NFIB: variants seen among roughly 807,000 people sequenced by gnomAD.
NFIB encodes nuclear factor 1 B-type.
A neutral mutation model predicts 61.5 loss-of-function variants in NFIB; 11 were observed. The ratio of observed to expected loss-of-function variants is 0.18; its 90% confidence interval spans 0.11 to 0.30. The LOEUF (loss-of-function observed/expected upper bound fraction) is 0.30, where lower values mean the gene tolerates loss of function less well. Among genes scored for constraint, NFIB ranks in the 10% least tolerant of loss-of-function variants. The pLI is 1.00. For missense variants in NFIB, 471 were observed against 608.9 expected (o/e 0.77, Z 2.38); for synonymous variants, 260 against 216.5 (o/e 1.20, Z -1.76).
Position 14,352,668 on chromosome 9 carries a change from C to A in NFIB, c.109-45148G>T, listed in dbSNP as rs1031756156. On this transcript the variant is annotated intron_variant, in intron 1 of 8. Transcript: ENST00000380934. ...GTTTCTACGCTGTACTAGGTCTGGT[C>A]CTGAGGCAAGCCTCTAAGCTTTAGA... Among the ~76,000 whole-genome samples, 4 of 152,208 alleles carry A rather than the reference C, an allele frequency of 2.6e-5. 1 individual carries two copies. Among genetic ancestry groups the A allele is most frequent in the Non-Finnish European group, 5.9e-5 (4 of 68,032 alleles).
the NFIB span, among the ~76,000 whole-genome samples, chr9:14,441,908 G>A: frequency 6.6e-6 from 1 of 152,118 alleles, no homozygotes; most frequent in African/African-American, 2.4e-5. Flanking sequence ...TTATTACAAG[G>A]GCTTCTCTGC....
chr9:14,526,565 G>A, the NFIB span, among the ~76,000 whole-genome samples: 4 of 151,992 alleles, frequency 2.6e-5, no homozygotes, highest in Non-Finnish European at 4.4e-5. Context: ...ACGCAACAGG[G>A]GAATGTAATT....
chr9:14,183,469 T>C (rs1466653744), intron 2 of NFIB, among the ~76,000 whole-genome samples: 5 of 151,844 alleles, frequency 3.3e-5, no homozygotes, highest in African/African-American at 1.2e-4. Flanking sequence ...AGTAGCACTA[T>C]CACAGCTCAC....
chr9:14,430,552 G>A, the NFIB span, among the ~76,000 whole-genome samples: 1 of 151,228 alleles, frequency 6.6e-6, no homozygotes, highest in Non-Finnish European at 1.5e-5. Context: ...GTTTGAGAAT[G>A]GCTTGCCTTT....
At chr9:14,371,970 A>G (rs2061362962) in intron 1 of NFIB, among the ~76,000 whole-genome samples, 1 of 152,220 alleles carries the variant, frequency 6.6e-6, no homozygotes, top group South Asian at 2.1e-4. Context: ...CCAATTGGTC[A>G]TGGGGAGGTC....
chr9:14,322,125 T>C, intron 1 of NFIB: 3 of 1,225,902 alleles, frequency 2.4e-6, no homozygotes, highest in Non-Finnish European at 3.0e-6. Context: ...TAGTCTTATG[T>C]ATTTTTTAAT....
the NFIB span, among the ~76,000 whole-genome samples, chr9:14,464,923 A>T: frequency 2.0e-5 from 3 of 152,234 alleles, no homozygotes; most frequent in African/African-American, 7.2e-5. Flanking sequence ...AATGTGACAC[A>T]GTACCTGTCA....
At chr9:14,189,537 G>C (rs1030537734) in intron 2 of NFIB, among the ~76,000 whole-genome samples, 5 of 151,692 alleles carry the variant, frequency 3.3e-5, no homozygotes, top group African/African-American at 1.2e-4. Context: ...TGTGGAAAAA[G>C]GCTATGAGAT....
At chr9:14,102,604 C>G in intron 10 of NFIB, 1 of 753,532 alleles carries the variant, frequency 1.3e-6, no homozygotes, top group Non-Finnish European at 1.9e-6. Flanking sequence ...CTGTACATGG[C>G]ATTAACCTTA....
intron 6 of NFIB, among the ~76,000 whole-genome samples, chr9:14,126,748 T>C (rs1048979462): frequency 5.9e-5 from 9 of 152,180 alleles, no homozygotes; most frequent in African/African-American, 1.9e-4. Flanking sequence ...ATGATCACAA[T>C]GACAGTTTAA....
intron 2 of NFIB, among the ~76,000 whole-genome samples, chr9:14,193,118 AT>A (rs2048129325): frequency 6.6e-6 from 1 of 151,378 alleles, no homozygotes; most frequent in African/African-American, 2.4e-5. Context: ...ATACATAAAA[AT>A]AATCAAGTTT....
chr9:14,202,253 C>T (rs1250135591), intron 2 of NFIB, among the ~76,000 whole-genome samples: 1 of 151,844 alleles, frequency 6.6e-6, no homozygotes, highest in Non-Finnish European at 1.5e-5. Flanking sequence ...ACTGCAAAAG[C>T]ATTGTTTAGC....
intron 2 of NFIB, among the ~76,000 whole-genome samples, chr9:14,241,520 A>AG (rs1041210883): frequency 3.9e-4 from 60 of 152,186 alleles, no homozygotes; most frequent in African/African-American, 1.4e-3. Context: ...TTCAAAAAAA[A>AG]ACAGATATTG....
chr9:14,234,259 T>A (rs1473134129), intron 2 of NFIB, among the ~76,000 whole-genome samples: 1 of 152,052 alleles, frequency 6.6e-6, no homozygotes, highest in African/African-American at 2.4e-5. Flanking sequence ...GTACATGCAA[T>A]AAAAGTACTA....
intron 1 of NFIB, among the ~76,000 whole-genome samples, chr9:14,370,533 T>C (rs2061347093): frequency 6.6e-6 from 1 of 152,216 alleles, no homozygotes; most frequent in African/African-American, 2.4e-5. Flanking sequence ...TGTAAATATG[T>C]GTTAAATTTG....
rs78949316 is a variant in NFIB at position 14,247,742 on chromosome 9, T to C, written c.562+59247A>G. On this transcript the variant is annotated intron_variant, in intron 2 of 10. Transcript: ENST00000380953. ...AATACAGAAGTACATGGCCCACTGC[T>C]TGGCATACAGTCAAGACTCAGTAAT... 2.4e-3 allele frequency among the ~76,000 whole-genome samples: 373 copies of C among 152,320 alleles called. 2 individuals carry two copies. The highest frequency in any genetic ancestry group is 3.9e-3 in the Non-Finnish European group (263 of 68,030).
chr9:14,279,148 G>C (rs2058202862), intron 2 of NFIB, among the ~76,000 whole-genome samples: 1 of 152,104 alleles, frequency 6.6e-6, no homozygotes, highest in Non-Finnish European at 1.5e-5. Flanking sequence ...CCTCAGGAGT[G>C]ATTGTTAACA....
chr9:14,526,897 A>G, the NFIB span, among the ~76,000 whole-genome samples: 1 of 152,206 alleles, frequency 6.6e-6, no homozygotes, highest in Non-Finnish European at 1.5e-5. Flanking sequence ...GAGGATAGGC[A>G]GGCACTTGTG....
At position 14,139,482 on chromosome 9, in the gene NFIB, C is replaced by A. The variant is rs186230029; in HGVS notation, c.925+7207G>T. On this transcript the variant is annotated intron_variant, in intron 6 of 10. Transcript: ENST00000380953. ...CTATGACATTATCTCCCATGGGTTT[C>A]CCACTTCCCTATTTTAAGCTGTGTT... 9.2e-5 allele frequency among the ~76,000 whole-genome samples: 14 copies of A among 152,292 alleles called. No individual in the cohort carries two copies. The East Asian group carries it at 2.7e-3, about 29-fold the overall frequency.
Sources: allele counts gnomAD v4.1 joint callset (sites outside exome capture counted in the v4.1 genomes callset), GRCh38; gene constraint gnomAD v4.1.1; transcripts MANE v1.5; gene names NCBI Gene and HGNC (gene_info 2026-07-23, HGNC 2026-07-21).